Variants in SLCO3A1 observed in about 807,000 individuals in gnomAD.
SLCO3A1 encodes solute carrier organic anion transporter family member 3A1.
In SLCO3A1, 27 loss-of-function variants were observed where a neutral mutation model predicts 63.1. The ratio of observed to expected loss-of-function variants is 0.43; its 90% CI spans 0.32 to 0.59. The LOEUF is 0.59. Among genes scored for constraint, SLCO3A1 ranks in the 20% least tolerant of loss-of-function variants. SLCO3A1 has a pLI of 0.09. For missense variants in SLCO3A1, 773 were observed against 945.8 expected, an observed-to-expected ratio of 0.82 and a Z score of 2.40; for synonymous variants, 473 against 409.9, an observed-to-expected ratio of 1.15 and a Z score of -1.86.
chr15:91,922,103 G>A (rs1246230994), intron 2 of SLCO3A1, among the ~76,000 whole-genome samples: 1 of 152,200 alleles, frequency 6.6e-6, no homozygotes, highest in African/African-American at 2.4e-5. Context: ...TGTATCAAAT[G>A]TGGATGATGC....
intron 2 of SLCO3A1, among the ~76,000 whole-genome samples, chr15:92,059,932 G>C (rs375058998): frequency 6.6e-6 from 1 of 152,142 alleles, no homozygotes; most frequent in Non-Finnish European, 1.5e-5. Flanking sequence ...GTATCCTACC[G>C]TACACCTAGG....
chr15:92,007,699 G>T (rs2046327547), intron 2 of SLCO3A1, among the ~76,000 whole-genome samples: 1 of 152,068 alleles, frequency 6.6e-6, no homozygotes. Context: ...AACTGGAGAG[G>T]GCGTGGAGGA....
intron 2 of SLCO3A1, among the ~76,000 whole-genome samples, chr15:91,947,515 C>A (rs532365940): frequency 6.6e-6 from 1 of 152,296 alleles, no homozygotes; most frequent in East Asian, 1.9e-4. Context: ...GTGAGGAGAG[C>A]TCTTAAATCC....
intron 3 of SLCO3A1, 28 bp downstream of exon 3, chr15:92,095,007 T>C: frequency 6.8e-7 from 1 of 1,464,290 alleles, no homozygotes; most frequent in East Asian, 2.3e-5. Context: ...ATGTCTACCT[T>C]CCATCCGCAA....
chr15:91,893,783 T>G (rs539497102), intron 1 of SLCO3A1, among the ~76,000 whole-genome samples: 3 of 152,316 alleles, frequency 2.0e-5, no homozygotes, highest in South Asian at 4.1e-4. Context: ...TATCCATCTA[T>G]CCATCTATTC....
intron 1 of SLCO3A1, among the ~76,000 whole-genome samples, chr15:91,887,752 G>A (rs1897762664): frequency 2.0e-5 from 3 of 152,230 alleles, no homozygotes; most frequent in Non-Finnish European, 4.4e-5. Context: ...CAGGCTGGAT[G>A]CAACTACCTA....
intron 2 of SLCO3A1, among the ~76,000 whole-genome samples, chr15:91,935,115 G>A (rs546746890): frequency 1.4e-4 from 22 of 152,234 alleles, no homozygotes; most frequent in Admixed American, 3.9e-4. Flanking sequence ...CACCACGCCT[G>A]GCTAATTTTT....
intron 2 of SLCO3A1, among the ~76,000 whole-genome samples, chr15:92,029,222 C>T (rs1054186276): frequency 6.6e-6 from 1 of 152,044 alleles, no homozygotes; most frequent in Admixed American, 6.6e-5. Flanking sequence ...AGGTCTCTGA[C>T]CCTGGGGGAA....
At chr15:92,030,642 C>G (rs1372273553) in intron 2 of SLCO3A1, among the ~76,000 whole-genome samples, 1 of 152,112 alleles carries the variant, frequency 6.6e-6, no homozygotes. Flanking sequence ...TTTTCTTGGA[C>G]CTCGGATTTA....
chr15:92,118,134 T>A (rs955804016), intron 4 of SLCO3A1, among the ~76,000 whole-genome samples: 8 of 152,224 alleles, frequency 5.3e-5, no homozygotes, highest in Non-Finnish European at 1.2e-4. Context: ...ATTAATACAA[T>A]GGACTTGAAG....
At chr15:91,910,960 C>T (rs1039557194) in intron 1 of SLCO3A1, among the ~76,000 whole-genome samples, 11 of 152,178 alleles carry the variant, frequency 7.2e-5, no homozygotes, top group Non-Finnish European at 1.5e-4. Flanking sequence ...CTGCCTGCCC[C>T]TAAGAATAAG....
At chr15:92,097,526 T>C (rs1187910295) in intron 3 of SLCO3A1, among the ~76,000 whole-genome samples, 5 of 152,200 alleles carry the variant, frequency 3.3e-5, no homozygotes, top group African/African-American at 9.7e-5. Flanking sequence ...AGGCCCAGGG[T>C]GGAGCGGTGT....
At chr15:92,172,121 T>C (rs919033588) in exon 11 of SLCO3A1, 19 of 386,876 alleles carry the variant, frequency 4.9e-5, no homozygotes, top group Admixed American at 2.1e-4. Flanking sequence ...GCTGACCTGG[T>C]GTGCAAATTC....
chr15:91,977,606 G>T (rs928816796), intron 2 of SLCO3A1, among the ~76,000 whole-genome samples: 5 of 152,174 alleles, frequency 3.3e-5, no homozygotes, highest in African/African-American at 9.7e-5. Context: ...GGCAACTGGA[G>T]TGTGGGGACA....
chr15:91,951,440 A>G (rs958980172), intron 2 of SLCO3A1, among the ~76,000 whole-genome samples: 1 of 151,960 alleles, frequency 6.6e-6, no homozygotes, highest in Non-Finnish European at 1.5e-5. Context: ...GCTGTAACAG[A>G]TTTTGTTTAT....
rs2048018049 is a variant in SLCO3A1 at position 92,133,246 on chromosome 15, T to C, written c.1512+4757T>C. Reference sequence around the variant, plus strand: ...CCCCAGTGAAGAACCACCGCTGTCATAGAAGGGATGAGGCATGTTCTATAA... The same window carrying C: ...CCCCAGTGAAGAACCACCGCTGTCACAGAAGGGATGAGGCATGTTCTATAA... On this transcript the variant is annotated intron_variant, in intron 7 of 9. Coordinates refer to ENST00000318445, the MANE Select transcript of SLCO3A1 (RefSeq NM_013272.4). Among the ~76,000 whole-genome samples, 2 of 146,450 alleles carry C rather than the reference T, an allele frequency of 1.4e-5. 1 individual carries two copies. The highest frequency in any genetic ancestry group is 3.1e-5 in the Non-Finnish European group (2 of 65,364).
intron 2 of SLCO3A1, among the ~76,000 whole-genome samples, chr15:91,983,881 T>G (rs2046017721): frequency 6.6e-6 from 1 of 152,178 alleles, no homozygotes; most frequent in Non-Finnish European, 1.5e-5. Context: ...ACCATAACAT[T>G]GCTCTGATGT....
intron 2 of SLCO3A1, among the ~76,000 whole-genome samples, chr15:91,953,400 A>T (rs1425272813): frequency 6.6e-6 from 1 of 152,134 alleles, no homozygotes; most frequent in African/African-American, 2.4e-5. Context: ...GAGTGCAGAG[A>T]TGAACCACCA....
intron 1 of SLCO3A1, among the ~76,000 whole-genome samples, chr15:91,903,531 C>T (rs139844309): frequency 6.6e-6 from 1 of 152,110 alleles, no homozygotes; most frequent in Non-Finnish European, 1.5e-5. Flanking sequence ...AGCAGGGGGT[C>T]TTATGGTGTG....
Sources: allele counts gnomAD v4.1 joint callset (sites outside exome capture counted in the v4.1 genomes callset), GRCh38; gene constraint gnomAD v4.1.1; transcripts MANE v1.5; gene names NCBI Gene and HGNC (gene_info 2026-07-23, HGNC 2026-07-21).